The following GTPBP10 variants were observed in gnomAD, a reference collection of about 807,000 sequenced individuals.
The protein encoded by GTPBP10 is GTP-binding protein 10.
A neutral mutation model predicts 44.8 loss-of-function variants in GTPBP10; 38 were observed. The observed-to-expected ratio is 0.85, with a 90% CI of 0.65 to 1.11. The LOEUF is 1.11. Ranked by LOEUF, GTPBP10 falls within the 50% of genes most tolerant of loss-of-function variation. The pLI is 0.00. For missense variants in GTPBP10, 462 were observed against 453.7 expected (o/e 1.02, Z -0.17); for synonymous variants, 152 against 150.6 (o/e 1.01, Z -0.07).
At chr7:90,361,793 T>A (rs1192143740) in intron 4 of GTPBP10, among the ~76,000 whole-genome samples, 1 of 152,210 alleles carries the variant, frequency 6.6e-6, no homozygotes, top group East Asian at 1.9e-4. Flanking sequence ...TATTAATTAT[T>A]GCCTCAATTT....
chr7:90,368,640 A>G (rs76321854), intron 4 of GTPBP10, among the ~76,000 whole-genome samples: 9,950 of 152,270 alleles, frequency 0.065, 359 homozygotes, highest in South Asian at 0.15. Context: ...TTTGAACTCC[A>G]TGAGGTCATT....
intron 4 of GTPBP10, among the ~76,000 whole-genome samples, chr7:90,368,918 A>G (rs1290298489): frequency 6.6e-6 from 1 of 152,088 alleles, no homozygotes; most frequent in Non-Finnish European, 1.5e-5. Context: ...GTTTCTCCCC[A>G]TCTTTGTGGT....
chr7:90,355,098 A>C lies in GTPBP10; in HGVS notation c.332A>C (p.Lys111Thr), dbSNP rs778355998. 1 of 1,585,044 alleles carries C rather than the reference A, an allele frequency of 6.3e-7. No individual in the cohort carries two copies. Among genetic ancestry groups the C allele is most frequent in the Non-Finnish European group, 8.6e-7 (1 of 1,158,648 alleles). The change falls in exon 4 of 10, where the codon AAA (lysine) becomes ACA (threonine). Residue 111 changes from lysine to threonine, a missense_variant. Lys to Thr is a moderately conservative substitution (Grantham distance 78). Transcript: ENST00000222511. The part of the protein sequence containing the change: ...ENGKIIGELN[K>T]ENDRILVAQG... ...CCCTCTTTTTAAGGAGAACTCAATA[A>C]AGAAAATGACAGAATTTTGGTAGCT...
chr7:90,369,542 C>T (rs1230252130), intron 4 of GTPBP10, among the ~76,000 whole-genome samples: 1 of 152,228 alleles, frequency 6.6e-6, no homozygotes, highest in Non-Finnish European at 1.5e-5. Flanking sequence ...CCTCCACCTG[C>T]CAAGCTGCAG....
At chr7:90,378,250 A>C in intron 8 of GTPBP10, 39 bp downstream of exon 8, 1 of 1,568,486 alleles carries the variant, frequency 6.4e-7, no homozygotes, top group Non-Finnish European at 8.7e-7. Flanking sequence ...ATTTGGTCTA[A>C]TACATAGGAA....
chr7:90,366,574 T>C lies in GTPBP10; in HGVS notation c.465-5581T>C, dbSNP rs549023740. ...TCTAGTTTATTTGCATAGAATTGTT[T>C]ATAGTATTGTCTGATGGTAATTTGT... On this transcript the variant is annotated intron_variant, in intron 4 of 9. Transcript: ENST00000222511. Among the ~76,000 whole-genome samples, 10 of 152,314 alleles carry C rather than the reference T, an allele frequency of 6.6e-5. No homozygotes were observed. The South Asian group carries it at 1.7e-3, about 25-fold the overall frequency.
At chr7:90,363,977 C>G (rs1424633591) in intron 4 of GTPBP10, among the ~76,000 whole-genome samples, 11 of 152,250 alleles carry the variant, frequency 7.2e-5, no homozygotes, top group Non-Finnish European at 1.3e-4. Context: ...CCATGGTTTG[C>G]AGCTCCATCA....
intron 1 of GTPBP10, among the ~76,000 whole-genome samples, chr7:90,349,047 G>C (rs1050831445): frequency 6.6e-6 from 1 of 152,100 alleles, no homozygotes; most frequent in Non-Finnish European, 1.5e-5. Context: ...CTTTCCCGCC[G>C]TTTTTGGCAT....
chr7:90,360,255 G>A (rs1258824052), intron 4 of GTPBP10, among the ~76,000 whole-genome samples: 1 of 152,166 alleles, frequency 6.6e-6, no homozygotes, highest in East Asian at 1.9e-4. Flanking sequence ...TTTCCTTCTA[G>A]GGTTTTTATG....
intron 8 of GTPBP10, among the ~76,000 whole-genome samples, chr7:90,378,692 A>T (rs1417355531): frequency 6.6e-6 from 1 of 151,956 alleles, no homozygotes; most frequent in East Asian, 1.9e-4. Context: ...TCTGTAGCTG[A>T]TACCTAAATC....
Position 90,346,752 on chromosome 7 carries a change from G to C in GTPBP10, c.11G>C (p.Cys4Ser). 6.2e-7 allele frequency: 1 copy of C among 1,614,252 alleles called. No homozygotes were observed. Among genetic ancestry groups the C allele is most frequent in the Non-Finnish European group, 8.5e-7 (1 of 1,180,040 alleles). ...TGGCCTGTTGCAGCCATGGTGCATT[G>C]CAGTTGCGTGTTGTTCAGAAAGGTC... MVH[C>S]SCVLFRKYGN... Residue 4 changes from cysteine (C) to serine (S), a missense_variant, in exon 1 of 10, where the codon TGC (cysteine) becomes TCC (serine). Transcript: ENST00000222511.
At chr7:90,358,429 C>T (rs1795947572) in intron 4 of GTPBP10, among the ~76,000 whole-genome samples, 1 of 151,980 alleles carries the variant, frequency 6.6e-6, no homozygotes, top group South Asian at 2.1e-4. Flanking sequence ...GTACTTAGAC[C>T]AATGGAACAG....
At chr7:90,369,250 G>T (rs1796202982) in intron 4 of GTPBP10, among the ~76,000 whole-genome samples, 1 of 152,216 alleles carries the variant, frequency 6.6e-6, no homozygotes, top group African/African-American at 2.4e-5. Flanking sequence ...CTACTCGGGG[G>T]TCAGGGACCC....
intron 4 of GTPBP10, among the ~76,000 whole-genome samples, chr7:90,363,505 C>T (rs922219082): frequency 2.6e-5 from 4 of 152,222 alleles, no homozygotes; most frequent in Non-Finnish European, 5.9e-5. Context: ...GAGAGATCAG[C>T]TGTTAGTGTG....
At chr7:90,364,086 T>A (rs1272483868) in intron 4 of GTPBP10, among the ~76,000 whole-genome samples, 1 of 152,220 alleles carries the variant, frequency 6.6e-6, no homozygotes, top group African/African-American at 2.4e-5. Context: ...TCCAACTTCC[T>A]CCTTTAGCTC....
At chr7:90,347,081 T>C (rs1028841532) in intron 1 of GTPBP10, among the ~76,000 whole-genome samples, 2 of 152,174 alleles carry the variant, frequency 1.3e-5, no homozygotes, top group Non-Finnish European at 2.9e-5. Context: ...TGGTGGTTTT[T>C]TTTCCTTTAA....
chr7:90,367,935 T>C (rs1796169937), intron 4 of GTPBP10, among the ~76,000 whole-genome samples: 1 of 152,242 alleles, frequency 6.6e-6, no homozygotes, highest in Non-Finnish European at 1.5e-5. Context: ...TTCCTTTCCA[T>C]GTTTAGTGCT....
At position 90,387,052 on chromosome 7, in the gene GTPBP10, C is replaced by T. The variant is rs943475336; in HGVS notation, c.*1898C>T. 3 of 152,070 alleles carry T rather than the reference C, an allele frequency of 2.0e-5. No individual in the cohort carries two copies. The highest frequency in any genetic ancestry group is 7.2e-5 in the African/African-American group (3 of 41,420). The allele number at this position is 152,070 out of a possible 1,614,324, so 9.4% of individuals were successfully genotyped here. A position where few individuals can be genotyped will look rare whatever the true frequency, so the allele number is the denominator to read the frequency against. ...AGTAGCAAGTTAAAAAATTGTACTT[C>T]AGGCCAGGCACGGTGGGTCACGCCT... On this transcript the variant is annotated 3_prime_UTR_variant, in exon 10 of 10. Transcript: ENST00000222511.
At chr7:90,368,686 A>G (rs1796186841) in intron 4 of GTPBP10, among the ~76,000 whole-genome samples, 1 of 152,078 alleles carries the variant, frequency 6.6e-6, no homozygotes, top group Non-Finnish European at 1.5e-5. Context: ...CTAATTAGCC[A>G]TTCGTCTAAC....
Sources: gnomAD v4.1 joint callset for allele counts (sites outside exome capture counted in the v4.1 genomes callset) on GRCh38, gnomAD v4.1.1 for gene constraint, MANE v1.5 for transcripts, NCBI Gene and HGNC (gene_info 2026-07-23, HGNC 2026-07-21) for gene names.